Variants in EPHB1 observed in about 807,000 individuals in gnomAD.
EPHB1 encodes the protein EPH receptor B1.
In EPHB1, 30 loss-of-function variants were observed where a neutral mutation model predicts 94.4. The ratio of observed to expected loss-of-function variants is 0.32; its 90% confidence interval spans 0.24 to 0.43. The LOEUF is 0.43. Ranked by LOEUF, EPHB1 falls within the 20% of genes least tolerant of loss-of-function variation. EPHB1 has a pLI of 1.00. For missense variants in EPHB1, 1,055 were observed against 1,308.3 expected, an observed-to-expected ratio of 0.81 and a Z score of 2.99; for synonymous variants, 522 against 489.1, an observed-to-expected ratio of 1.07 and a Z score of -0.89.
At chr3:134,867,621 A>G (rs1226412796) in intron 1 of EPHB1, among the ~76,000 whole-genome samples, 2 of 152,066 alleles carry the variant, frequency 1.3e-5, no homozygotes, top group Admixed American at 1.3e-4. Context: ...GACAGACATG[A>G]CTCCAGCTTC....
At chr3:135,187,237 C>A (rs937395955) in intron 10 of EPHB1, among the ~76,000 whole-genome samples, 2 of 152,180 alleles carry the variant, frequency 1.3e-5, no homozygotes, top group South Asian at 4.1e-4. Context: ...CATTTACTGT[C>A]AGTAAAGAAT....
intron 4 of EPHB1, among the ~76,000 whole-genome samples, chr3:135,108,721 C>A (rs779805834): frequency 6.6e-6 from 1 of 152,176 alleles, no homozygotes; most frequent in East Asian, 1.9e-4. Context: ...TCTTTTCTCT[C>A]CCCCCTTCAC....
Position 135,249,374 on chromosome 3 carries a change from T to C in EPHB1, c.2729T>C (p.Phe910Ser). ...CTGCTCGACCGCTCCATCCCAGACT[T>C]CACGGCCTTTACCACCGTGGATGAC... ...QPLLDRSIPD[F>S]TAFTTVDDWL... The change falls in exon 15 of 16, where the codon TTC becomes TCC. Residue 910 changes from phenylalanine to serine, a missense_variant. Phe to Ser is a radical substitution (Grantham distance 155). Coordinates refer to ENST00000398015, the MANE Select transcript of EPHB1 (RefSeq NM_004441.5). 1 of 1,613,912 alleles carries C rather than the reference T, an allele frequency of 6.2e-7. No homozygotes were observed. The highest frequency in any genetic ancestry group is 8.5e-7 in the Non-Finnish European group (1 of 1,179,856).
At chr3:135,053,023 G>GTATATATATATATATATATATATATA (rs1419499793) in intron 3 of EPHB1, among the ~76,000 whole-genome samples, 2 of 68,580 alleles carry the variant, frequency 2.9e-5, no homozygotes, top group African/African-American at 5.6e-5. Flanking sequence ...ATGTGTGTGT[G>GTATATATATATATATATATATATATA]TGTGTATATA....
At chr3:135,207,426 TGTCAACATTAGGCCACAAGCTGGG>T (rs6148078) in intron 12 of EPHB1, among the ~76,000 whole-genome samples, 28,663 of 130,538 alleles carry the variant, frequency 0.22, 3,322 homozygotes, top group Admixed American at 0.28. Flanking sequence ...ATCTACTATG[TGTCAACATTAGGCCACAAGCTGGG>T]GACATAATCA....
intron 3 of EPHB1, among the ~76,000 whole-genome samples, chr3:134,980,401 C>T (rs1406505313): frequency 2.0e-5 from 3 of 152,118 alleles, no homozygotes; most frequent in South Asian, 2.1e-4. Flanking sequence ...CTGCCATACC[C>T]GATTGGTTGA....
At chr3:134,821,025 G>T (rs756919103) in intron 1 of EPHB1, among the ~76,000 whole-genome samples, 2 of 152,160 alleles carry the variant, frequency 1.3e-5, no homozygotes, top group Non-Finnish European at 2.9e-5. Context: ...ACATCAGAGG[G>T]CCTGAGAATC....
chr3:134,848,685 G>A (rs766502917), intron 1 of EPHB1, among the ~76,000 whole-genome samples: 14 of 152,306 alleles, frequency 9.2e-5, no homozygotes, highest in East Asian at 7.7e-4. Context: ...AGGCTGTCAC[G>A]CTTTCTCTCT....
intron 2 of EPHB1, among the ~76,000 whole-genome samples, chr3:134,929,986 A>G (rs1345725229): frequency 2.0e-5 from 3 of 152,156 alleles, no homozygotes; most frequent in African/African-American, 7.2e-5. Context: ...GATACCATGC[A>G]TGGATGTTTA....
intron 3 of EPHB1, among the ~76,000 whole-genome samples, chr3:135,020,239 A>AT (rs1451069156): frequency 6.6e-6 from 1 of 152,190 alleles, no homozygotes. Flanking sequence ...TTTGCCATTA[A>AT]TTTTTTTATA....
intron 13 of EPHB1, among the ~76,000 whole-genome samples, chr3:135,247,608 C>CTT (rs1340968129): frequency 2.0e-5 from 3 of 152,196 alleles, no homozygotes; most frequent in East Asian, 1.9e-4. Context: ...TTCCTAAAAT[C>CTT]TTTACAAAAT....
intron 2 of EPHB1, among the ~76,000 whole-genome samples, chr3:134,943,559 G>A (rs920492832): frequency 3.9e-5 from 6 of 152,192 alleles, no homozygotes; most frequent in East Asian, 1.9e-4. Flanking sequence ...TTGAATACCC[G>A]ACTGACCTCC....
chr3:135,010,706 G>A (rs1159392081), intron 3 of EPHB1, among the ~76,000 whole-genome samples: 1 of 151,984 alleles, frequency 6.6e-6, no homozygotes, highest in Non-Finnish European at 1.5e-5. Flanking sequence ...TGGGACTACA[G>A]GCAAGCGCCA....
At chr3:134,976,730 A>T (rs1306321103) in intron 3 of EPHB1, among the ~76,000 whole-genome samples, 1 of 152,114 alleles carries the variant, frequency 6.6e-6, no homozygotes, top group Non-Finnish European at 1.5e-5. Context: ...AGCAGTGCTT[A>T]TGGGGTTAAA....
intron 1 of EPHB1, among the ~76,000 whole-genome samples, chr3:134,913,753 G>T (rs1056622769): frequency 1.3e-5 from 2 of 152,222 alleles, no homozygotes; most frequent in Non-Finnish European, 2.9e-5. Flanking sequence ...CAGAGTCAGT[G>T]GCTAGAGCCC....
At chr3:134,999,098 G>A (rs1013415378) in intron 3 of EPHB1, among the ~76,000 whole-genome samples, 1 of 152,126 alleles carries the variant, frequency 6.6e-6, no homozygotes, top group African/African-American at 2.4e-5. Flanking sequence ...CCCGATACCT[G>A]GTCAGTCACT....
Position 135,257,416 on chromosome 3 carries a change from T to G in EPHB1, c.2847-1596T>G, listed in dbSNP as rs535295646. On this transcript the variant is annotated intron_variant, in intron 15 of 15. Coordinates refer to ENST00000398015, the MANE Select transcript of EPHB1 (RefSeq NM_004441.5). ...TTTTGGTGTGGATGTCCTTTCTGTT[T>G]GTTAGTTTTCCTTCTAACAGACAGG... 3.6e-3 allele frequency among the ~76,000 whole-genome samples: 545 copies of G among 151,946 alleles called. 5 individuals carry two copies. The highest frequency in any genetic ancestry group is 6.4e-3 in the Non-Finnish European group (432 of 67,852).
At chr3:134,891,364 C>T (rs139006336) in intron 1 of EPHB1, among the ~76,000 whole-genome samples, 1,808 of 152,304 alleles carry the variant, frequency 0.012, 37 homozygotes, top group African/African-American at 0.041. Flanking sequence ...CCTGCCTTGG[C>T]CTCCCAAAGT....
intron 9 of EPHB1, among the ~76,000 whole-genome samples, chr3:135,171,644 C>T (rs562941552): frequency 6.6e-6 from 1 of 152,254 alleles, no homozygotes; most frequent in African/African-American, 2.4e-5. Context: ...AATAGGAGAC[C>T]TAACTTGCTG....
Sources: gnomAD v4.1 joint callset for allele counts (sites outside exome capture counted in the v4.1 genomes callset) on GRCh38, gnomAD v4.1.1 for gene constraint, MANE v1.5 for transcripts, NCBI Gene and HGNC (gene_info 2026-07-23, HGNC 2026-07-21) for gene names.